CPT1A: variants seen among roughly 807,000 people sequenced by gnomAD.
CPT1A encodes carnitine O-palmitoyltransferase 1, liver isoform.
CPT1A carries 64 observed loss-of-function variants against 100.8 expected under a neutral mutation model. The observed-to-expected ratio is 0.63, with a 90% CI of 0.52 to 0.78. CPT1A has a LOEUF of 0.78. Ranked by LOEUF, CPT1A falls within the 30% of genes least tolerant of loss-of-function variation. CPT1A has a pLI of 0.00. For missense variants in CPT1A, 802 were observed against 1,034.1 expected, an observed-to-expected ratio of 0.78 and a Z score of 3.08; for synonymous variants, 363 against 396.0, an observed-to-expected ratio of 0.92 and a Z score of 0.99.
chr11:68,759,159 C>T (rs1946751630), intron 18 of CPT1A, among the ~76,000 whole-genome samples: 2 of 151,782 alleles, frequency 1.3e-5, no homozygotes, highest in African/African-American at 2.4e-5. Flanking sequence ...TTTGGGAGGT[C>T]GAGGCAGGTG....
At chr11:68,840,539 A>G (rs558944334) in intron 1 of CPT1A, among the ~76,000 whole-genome samples, 1 of 152,346 alleles carries the variant, frequency 6.6e-6, no homozygotes, top group Admixed American at 6.5e-5. Flanking sequence ...ATATTTTATA[A>G]CACACGGAGC....
chr11:68,804,697 C>T (rs1855996827), intron 4 of CPT1A, among the ~76,000 whole-genome samples: 1 of 152,234 alleles, frequency 6.6e-6, no homozygotes, highest in South Asian at 2.1e-4. Context: ...AGGACCCTGA[C>T]CGTGCTTCTG....
At chr11:68,840,787 CG>C (rs1481264244) in intron 1 of CPT1A, among the ~76,000 whole-genome samples, 5 of 152,240 alleles carry the variant, frequency 3.3e-5, no homozygotes, top group African/African-American at 1.2e-4. Context: ...CTGGCCGCGG[CG>C]GTGGCTCCGA....
intron 5 of CPT1A, among the ~76,000 whole-genome samples, chr11:68,802,729 G>C (rs1224643640): frequency 2.7e-5 from 4 of 148,986 alleles, no homozygotes; most frequent in Non-Finnish European, 4.4e-5. Context: ...GCGAGATTCT[G>C]TCTCAAAAAA....
At chr11:68,795,952 G>A (rs868121224) in intron 7 of CPT1A, among the ~76,000 whole-genome samples, 2 of 151,516 alleles carry the variant, frequency 1.3e-5, no homozygotes, top group South Asian at 2.1e-4. Flanking sequence ...AAAAATAAAC[G>A]AGGGAAAAAA....
At chr11:68,760,166 C>A in intron 17 of CPT1A, 59 bp downstream of exon 17, 1 of 1,224,392 alleles carries the variant, frequency 8.2e-7, no homozygotes, top group Non-Finnish European at 1.2e-6. Flanking sequence ...CCCATCACAC[C>A]CCATTACCCA....
chr11:68,770,985 C>T (rs920181865), intron 14 of CPT1A, among the ~76,000 whole-genome samples: 4 of 152,220 alleles, frequency 2.6e-5, no homozygotes, highest in African/African-American at 9.6e-5. Context: ...AGATGCCTTC[C>T]TCGGGGCCGT....
At chr11:68,795,803 G>A (rs1179527017) in intron 7 of CPT1A, among the ~76,000 whole-genome samples, 3 of 151,686 alleles carry the variant, frequency 2.0e-5, no homozygotes, top group Non-Finnish European at 4.4e-5. Context: ...CCAGCTACTC[G>A]GGAGGCTGAG....
intron 14 of CPT1A, among the ~76,000 whole-genome samples, chr11:68,765,432 T>C (rs2153995666): frequency 6.6e-6 from 1 of 152,264 alleles, no homozygotes; most frequent in Middle Eastern, 3.4e-3. Flanking sequence ...TGCAGCACCC[T>C]TGACCCACTG....
At chr11:68,762,203 A>AG (rs1273419583) in intron 15 of CPT1A, among the ~76,000 whole-genome samples, 4 of 152,194 alleles carry the variant, frequency 2.6e-5, no homozygotes, top group African/African-American at 9.7e-5. Context: ...GAAAACCCCC[A>AG]GGCCCCAGCC....
intron 1 of CPT1A, among the ~76,000 whole-genome samples, chr11:68,824,389 T>C (rs1269811381): frequency 6.6e-6 from 1 of 152,062 alleles, no homozygotes; most frequent in Non-Finnish European, 1.5e-5. Context: ...TGGAGGGCAC[T>C]CTGGGTACAC....
rs1177976460 is a variant in CPT1A at position 68,838,571 on chromosome 11, T to TAAAAAAAAAAAAA, written c.-14+3203_-14+3204insTTTTTTTTTTTTT. 3.4e-3 allele frequency among the ~76,000 whole-genome samples: 252 copies of TAAAAAAAAAAAAA among 74,218 alleles called. 90 individuals carry two copies. Among genetic ancestry groups the TAAAAAAAAAAAAA allele is most frequent in the African/African-American group, 6.1e-3 (65 of 10,732 alleles). The allele number at this position is 74,218 out of a possible 152,430, so 48.7% of individuals were successfully genotyped here. On this transcript the variant is annotated intron_variant, in intron 1 of 18. Coordinates refer to ENST00000265641, the MANE Select transcript of CPT1A (RefSeq NM_001876.4). ...GACTCTACTCTGTATCTGCACCTTTTTAAAAAAAAAAAAAAAAAAACAGAG... is the reference window on the plus strand; with the variant it reads ...GACTCTACTCTGTATCTGCACCTTTTAAAAAAAAAAAAATAAAAAAAAAAAAAAAAAAACAGAG...
intron 14 of CPT1A, among the ~76,000 whole-genome samples, chr11:68,765,318 T>G (rs1854762712): frequency 6.6e-6 from 1 of 152,318 alleles, no homozygotes; most frequent in South Asian, 2.1e-4. Context: ...GCCCACAGTT[T>G]AAAAGACAGC....
chr11:68,765,188 G>C (rs1854758759), intron 14 of CPT1A, among the ~76,000 whole-genome samples: 1 of 152,254 alleles, frequency 6.6e-6, no homozygotes, highest in Admixed American at 6.5e-5. Context: ...AAGCGGAAAT[G>C]TGGCATTTTA....
At chr11:68,764,341 C>T (rs1854723197) in intron 14 of CPT1A, among the ~76,000 whole-genome samples, 2 of 152,214 alleles carry the variant, frequency 1.3e-5, no homozygotes, top group Admixed American at 6.5e-5. Flanking sequence ...AGTGTGCACC[C>T]TGGCACAGGC....
In CPT1A at chr11:68,796,924, AG is replaced by A. The variant is rs1566365491; in HGVS notation, c.702del (p.Trp235GlyfsTer16). The A allele has an allele frequency of 6.2e-7, 1 of 1,613,940 alleles. No homozygotes were observed. The highest frequency in any genetic ancestry group is 8.5e-7 in the Non-Finnish European group (1 of 1,179,940). On this transcript the variant is annotated frameshift_variant, in exon 7 of 19. Coordinates refer to ENST00000265641, the MANE Select transcript of CPT1A (RefSeq NM_001876.4). LOFTEE classifies it high-confidence loss of function. ...CGGAGGTAGATGTACTCCTCCCACC[AG>A]TCGCTCACCTAGTGGGCGCAAACAC... is the stretch of plus-strand genomic sequence containing the variant. ...KSWWATNYVS[D>X]WWEEYIYLRG...
chr11:68,816,810 G>GTGTGTGTGGTGTGTGTGGTGTA (rs1856410970), intron 1 of CPT1A, among the ~76,000 whole-genome samples: 5 of 147,518 alleles, frequency 3.4e-5, no homozygotes, highest in African/African-American at 1.3e-4. Context: ...TGTGTGGTAT[G>GTGTGTGTGGTGTGTGTGGTGTA]TGTGTGTGGT....
rs971542376 is a variant in CPT1A, at chr11:68,841,843, G to A, written c.-82C>T. The A allele has an allele frequency of 1.6e-5, 16 of 994,940 alleles. No homozygotes were observed. In the African/African-American group the frequency reaches 1.7e-4, roughly 11 times the overall value. 61.6% of individuals were successfully genotyped at this position (994,940 alleles called of 1,614,324 possible). On this transcript the variant is annotated 5_prime_UTR_variant, in exon 1 of 19. Coordinates refer to ENST00000265641, the MANE Select transcript of CPT1A (RefSeq NM_001876.4). This position sits in a 1 kb window ranked among gnomAD's most constrained non-coding sequence, Gnocchi z 6.3. ...CGGCGGCGGCGGCGGTGGAGTGAAC[G>A]AGCGGCGAGCGGGAGCCGGGGAAGG...
intron 2 of CPT1A, among the ~76,000 whole-genome samples, chr11:68,814,028 G>A (rs771810827): frequency 6.6e-6 from 1 of 152,090 alleles, no homozygotes; most frequent in Admixed American, 6.6e-5. Flanking sequence ...GCCGCCCTCG[G>A]AGAAGGAGCA....
Sources: allele counts gnomAD v4.1 joint callset (sites outside exome capture counted in the v4.1 genomes callset), GRCh38; gene constraint gnomAD v4.1.1; non-coding constraint Gnocchi (gnomAD v3.1); transcripts MANE v1.5; gene names NCBI Gene and HGNC (gene_info 2026-07-23, HGNC 2026-07-21).